Variants in CELF2 observed in about 807,000 individuals in gnomAD.
CELF2 encodes the protein CUGBP Elav-like family member 2.
In CELF2, 8 loss-of-function variants were observed where a neutral mutation model predicts 62.6. The observed-to-expected ratio is 0.13, with a 90% CI of 0.07 to 0.23. The LOEUF is 0.23. Among genes scored for constraint, CELF2 ranks in the 10% least tolerant of loss-of-function variants. CELF2 has a pLI of 1.00. For missense variants in CELF2, 333 were observed against 671.0 expected, an observed-to-expected ratio of 0.50 and a Z score of 5.56; for synonymous variants, 258 against 250.0, an observed-to-expected ratio of 1.03 and a Z score of -0.30.
Position 11,314,474 on chromosome 10 carries a change from G to A in CELF2, c.1096+216G>A. The stretch of plus-strand genomic sequence containing the variant: ...ACTCTCCACCCCCAGATTCTCTTCA[G>A]TGTGTAGCACAGCGCGTGTGCTCAT... On this transcript the variant is annotated intron_variant, in intron 10 of 12. Transcript: ENST00000633077. This position sits in a 1 kb window ranked among gnomAD's most constrained non-coding sequence, Gnocchi z 5.3. 1.6e-6 allele frequency: 1 copy of A among 643,848 alleles called. No individual in the cohort carries two copies. The allele number at this position is 643,848 out of a possible 1,614,324, so 39.9% of individuals were successfully genotyped here.
chr10:11,255,793 A>G lies in CELF2; in HGVS notation c.404-1945A>G, dbSNP rs1268605615. On this transcript the variant is annotated intron_variant, in intron 4 of 12. Transcript: ENST00000633077. The surrounding 1 kb of genome is among the most constrained non-coding windows in gnomAD (Gnocchi z 5.5). Reference sequence around the variant, plus strand: ...TCTAAACTTTCATTCCATGGATGACAAAACAGAGGTCCTCAGAGGTCAGCC... The same window carrying G: ...TCTAAACTTTCATTCCATGGATGACGAAACAGAGGTCCTCAGAGGTCAGCC... Among the ~76,000 whole-genome samples, 1 of 152,132 alleles carries G rather than the reference A, an allele frequency of 6.6e-6. No individual in the cohort carries two copies. Among genetic ancestry groups the G allele is most frequent in the East Asian group, 1.9e-4 (1 of 5,182 alleles).
At chr10:10,833,031 G>C (rs2132288073) in intron 1 of CELF2, among the ~76,000 whole-genome samples, 1 of 151,778 alleles carries the variant, frequency 6.6e-6, no homozygotes, top group Admixed American at 6.6e-5. Context: ...GTGTGTGTGT[G>C]TGTGTGTGTG....
At chr10:11,172,076 A>C (rs1034542208) in intron 2 of CELF2, among the ~76,000 whole-genome samples, 11 of 152,250 alleles carry the variant, frequency 7.2e-5, no homozygotes, top group Admixed American at 6.5e-4. Flanking sequence ...CCTACACTAC[A>C]TTTTAACGCA....
chr10:11,089,142 C>A (rs1401652375), intron 1 of CELF2, among the ~76,000 whole-genome samples: 1 of 152,170 alleles, frequency 6.6e-6, no homozygotes, highest in South Asian at 2.1e-4. Flanking sequence ...AGCCCAGATT[C>A]AAGAGGAGAG....
At chr10:10,594,504 A>T in the CELF2 span, among the ~76,000 whole-genome samples, 1 of 152,216 alleles carries the variant, frequency 6.6e-6, no homozygotes, top group Non-Finnish European at 1.5e-5. Context: ...AAGAGCCCAG[A>T]AGCAGAGAAA....
At chr10:10,920,818 A>G (rs1022646149) in intron 2 of CELF2, among the ~76,000 whole-genome samples, 1 of 147,670 alleles carries the variant, frequency 6.8e-6, no homozygotes, top group African/African-American at 2.5e-5. Flanking sequence ...TGGGGGAGGG[A>G]AGACTGGGGA....
At chr10:10,518,316 C>CTTCA in the CELF2 span, among the ~76,000 whole-genome samples, 1 of 152,328 alleles carries the variant, frequency 6.6e-6, no homozygotes, top group Non-Finnish European at 1.5e-5. Context: ...ACTGAGCTTT[C>CTTCA]TTCAGCCCAA....
intron 2 of CELF2, among the ~76,000 whole-genome samples, chr10:10,943,751 A>C (rs867582597): frequency 3.4e-5 from 5 of 148,126 alleles, no homozygotes; most frequent in South Asian, 2.1e-4. Context: ...GGCACACACC[A>C]CTACTCCCAG....
intron 8 of CELF2, among the ~76,000 whole-genome samples, chr10:11,277,235 T>C (rs568704667): frequency 9.8e-5 from 15 of 152,302 alleles, no homozygotes; most frequent in African/African-American, 3.4e-4. Context: ...TCTCCTACGC[T>C]CTTGTCTTGT....
At chr10:10,671,606 A>G in the CELF2 span, among the ~76,000 whole-genome samples, 1 of 152,274 alleles carries the variant, frequency 6.6e-6, no homozygotes, top group African/African-American at 2.4e-5. Context: ...GGTGTGGTCA[A>G]TATTCTGGAT....
At chr10:11,024,253 T>C (rs1243309436) in intron 1 of CELF2, among the ~76,000 whole-genome samples, 1 of 152,184 alleles carries the variant, frequency 6.6e-6, no homozygotes, top group African/African-American at 2.4e-5. Flanking sequence ...TTGCCAGGAT[T>C]CCTCTAGTGC....
At chr10:11,263,650 A>G (rs550808786) in intron 5 of CELF2, among the ~76,000 whole-genome samples, 23 of 152,352 alleles carry the variant, frequency 1.5e-4, no homozygotes, top group Admixed American at 2.6e-4. Context: ...TTTCTGTCCA[A>G]TGGAAAGCCT....
At chr10:10,881,205 T>C (rs1051748645) in intron 1 of CELF2, among the ~76,000 whole-genome samples, 1 of 152,210 alleles carries the variant, frequency 6.6e-6, no homozygotes, top group Non-Finnish European at 1.5e-5. Context: ...TTGCTTTTGA[T>C]TCATCTCACT....
At chr10:10,956,770 GA>G (rs911042201) in intron 2 of CELF2, among the ~76,000 whole-genome samples, 325 of 150,806 alleles carry the variant, frequency 2.2e-3, no homozygotes, top group South Asian at 0.01. Context: ...TCTACAAAAA[GA>G]AAAAAAAATT....
chr10:10,512,802 T>C, the CELF2 span, among the ~76,000 whole-genome samples: 1 of 152,314 alleles, frequency 6.6e-6, no homozygotes, highest in South Asian at 2.1e-4. Context: ...AGTTGTCTCT[T>C]TAGTTCCTCT....
the CELF2 span, among the ~76,000 whole-genome samples, chr10:10,673,423 CT>C: frequency 1.9e-3 from 282 of 152,092 alleles, no homozygotes; most frequent in Middle Eastern, 6.8e-3. Flanking sequence ...TGTTTTATCT[CT>C]TTTTTCCTTG....
chr10:11,271,447 G>A (rs937867187), intron 7 of CELF2, among the ~76,000 whole-genome samples: 3 of 152,178 alleles, frequency 2.0e-5, no homozygotes, highest in Non-Finnish European at 4.4e-5. Flanking sequence ...TCCCCCGAGC[G>A]AGATCTGAAC....
At chr10:11,258,338 T>C (rs772220264) in intron 5 of CELF2, among the ~76,000 whole-genome samples, 1 of 152,192 alleles carries the variant, frequency 6.6e-6, no homozygotes, top group East Asian at 1.9e-4. Flanking sequence ...GCAGAGCAGA[T>C]AGGGATGTAG....
At chr10:10,778,051 A>C in the CELF2 span, among the ~76,000 whole-genome samples, 12 of 152,332 alleles carry the variant, frequency 7.9e-5, no homozygotes, top group East Asian at 2.1e-3. Context: ...CACTGGTGCA[A>C]TCAGGTTCGG....
Sources: gnomAD v4.1 joint callset for allele counts (sites outside exome capture counted in the v4.1 genomes callset) on GRCh38, gnomAD v4.1.1 for gene constraint, Gnocchi (gnomAD v3.1) non-coding constraint, MANE v1.5 for transcripts, NCBI Gene and HGNC (gene_info 2026-07-23, HGNC 2026-07-21) for gene names.